TRDN: variants seen among roughly 807,000 people sequenced by gnomAD.
TRDN encodes triadin.
A neutral mutation model predicts 149.7 loss-of-function variants in TRDN; 161 were observed. That is an observed-to-expected ratio of 1.08 (90% confidence interval 0.95 to 1.23). TRDN has a LOEUF of 1.23. TRDN is among the 50% of genes most tolerant of loss of function. The pLI, the probability that TRDN is intolerant of heterozygous loss-of-function variation, is 0.00. For synonymous variants in TRDN, 294 were observed against 250.5 expected, an observed-to-expected ratio of 1.17 and a Z score of -1.64; for missense variants, 896 against 823.5, an observed-to-expected ratio of 1.09 and a Z score of -1.08.
intron 33 of TRDN, among the ~76,000 whole-genome samples, chr6:123,262,851 A>G (rs1342958052): frequency 6.6e-6 from 1 of 152,100 alleles, no homozygotes; most frequent in Non-Finnish European, 1.5e-5. Flanking sequence ...ATAAGGTGGT[A>G]AAACTTAATG....
chr6:123,605,265 A>T (rs1039352765), intron 1 of TRDN, among the ~76,000 whole-genome samples: 8 of 147,154 alleles, frequency 5.4e-5, no homozygotes, highest in Admixed American at 1.4e-4. Context: ...TTTATATATA[A>T]ATATATATTT....
intron 1 of TRDN, among the ~76,000 whole-genome samples, chr6:123,597,074 A>C (rs9490828): frequency 0.012 from 1,770 of 152,190 alleles, 34 homozygotes; most frequent in African/African-American, 0.041. Flanking sequence ...CAAATTTACA[A>C]TCTTCTGGAG....
At chr6:123,510,851 C>T (rs1190621039) in intron 7 of TRDN, among the ~76,000 whole-genome samples, 1 of 152,084 alleles carries the variant, frequency 6.6e-6, no homozygotes, top group Non-Finnish European at 1.5e-5. Context: ...ACCATGTTGT[C>T]CAGGCTGGTT....
chr6:123,629,054 A>G (rs1785825282), intron 1 of TRDN, among the ~76,000 whole-genome samples: 1 of 152,096 alleles, frequency 6.6e-6, no homozygotes, highest in African/African-American at 2.4e-5. Context: ...TCCCCTAGTC[A>G]ATAATATATA....
At chr6:123,227,868 A>G (rs1053190435) in intron 38 of TRDN, among the ~76,000 whole-genome samples, 3 of 151,870 alleles carry the variant, frequency 2.0e-5, no homozygotes, top group Non-Finnish European at 4.4e-5. Context: ...CTACTGTACA[A>G]ATAGAGGAGA....
intron 2 of TRDN, among the ~76,000 whole-genome samples, chr6:123,555,864 T>C (rs1189819133): frequency 1.3e-5 from 2 of 152,106 alleles, no homozygotes; most frequent in African/African-American, 4.8e-5. Context: ...CCAATGAAAA[T>C]TGAATCCAGC....
intron 2 of TRDN, among the ~76,000 whole-genome samples, chr6:123,553,679 G>A (rs1363313977): frequency 6.6e-6 from 1 of 152,140 alleles, no homozygotes; most frequent in Non-Finnish European, 1.5e-5. Context: ...AAGGTGAAAG[G>A]CATGTCTTAC....
At chr6:123,227,022 C>T (rs952074152) in intron 38 of TRDN, among the ~76,000 whole-genome samples, 2 of 151,776 alleles carry the variant, frequency 1.3e-5, no homozygotes, top group East Asian at 1.9e-4. Context: ...GTAGAGGAGA[C>T]GTTCTGGAAA....
intron 10 of TRDN, among the ~76,000 whole-genome samples, chr6:123,441,675 C>A (rs1774897126): frequency 6.6e-6 from 1 of 152,320 alleles, no homozygotes; most frequent in Non-Finnish European, 1.5e-5. Context: ...TCACAATGGG[C>A]TTTTCTCTTG....
At chr6:123,283,839 T>A (rs1777692803) in intron 24 of TRDN, among the ~76,000 whole-genome samples, 2 of 149,188 alleles carry the variant, frequency 1.3e-5, no homozygotes, top group African/African-American at 4.9e-5. Context: ...TTCCAGGAAT[T>A]GGGTGGATAT....
intron 1 of TRDN, among the ~76,000 whole-genome samples, chr6:123,634,636 T>C (rs1786197128): frequency 6.6e-6 from 1 of 151,922 alleles, no homozygotes; most frequent in Non-Finnish European, 1.5e-5. Flanking sequence ...AACTGTGTAG[T>C]AACAAAGTGT....
chr6:123,598,444 A>G (rs1450211069), intron 1 of TRDN, among the ~76,000 whole-genome samples: 1 of 152,104 alleles, frequency 6.6e-6, no homozygotes, highest in African/African-American at 2.4e-5. Context: ...CACTACGTTT[A>G]AGAAACCCTA....
At chr6:123,623,169 T>C (rs1306676600) in intron 1 of TRDN, among the ~76,000 whole-genome samples, 1 of 152,082 alleles carries the variant, frequency 6.6e-6, no homozygotes, top group Non-Finnish European at 1.5e-5. Context: ...CTGAGGTTAT[T>C]GTCTTTTTTT....
intron 38 of TRDN, among the ~76,000 whole-genome samples, chr6:123,225,652 A>G (rs1775329447): frequency 6.6e-6 from 1 of 151,712 alleles, no homozygotes; most frequent in African/African-American, 2.4e-5. Context: ...ATCACATTGT[A>G]TATCAAATAT....
At chr6:123,524,622 G>T (rs565927141) in intron 5 of TRDN, among the ~76,000 whole-genome samples, 1 of 151,926 alleles carries the variant, frequency 6.6e-6, no homozygotes, top group Non-Finnish European at 1.5e-5. Flanking sequence ...AGTAAGAAAA[G>T]CAAAACAAAA....
chr6:123,362,585 T>C (rs1780944787), intron 20 of TRDN, among the ~76,000 whole-genome samples: 1 of 152,114 alleles, frequency 6.6e-6, no homozygotes, highest in Non-Finnish European at 1.5e-5. Context: ...CAAAACCCCA[T>C]CTCTTATTTA....
chr6:123,409,175 T>A (rs747345906), intron 12 of TRDN, among the ~76,000 whole-genome samples: 16 of 152,170 alleles, frequency 1.1e-4, no homozygotes, highest in Non-Finnish European at 1.9e-4. Flanking sequence ...AATAATAATA[T>A]CATATAGTCA....
chr6:123,393,690 A>AAACAT lies in TRDN; in HGVS notation c.1052-14_1052-13insATGTT. 2 of 1,598,550 alleles carry AAACAT rather than the reference A, an allele frequency of 1.3e-6. No homozygotes were observed. The highest frequency in any genetic ancestry group is 1.7e-6 in the Non-Finnish European group (2 of 1,171,038). Reference sequence around the variant, plus strand: ...GCTTTTCCCGGCTCTTGGAATGAAAAAAACATAAATTACCATGAAGTATGA... The same window carrying AAACAT: ...GCTTTTCCCGGCTCTTGGAATGAAAAAACATAAACATAAATTACCATGAAGTATGA... On this transcript the variant is annotated splice_polypyrimidine_tract_variant and intron_variant, in intron 12 of 40. Transcript: ENST00000334268.
chr6:123,278,966 C>A, intron 25 of TRDN, 90 bp downstream of exon 25: 2 of 1,199,282 alleles, frequency 1.7e-6, no homozygotes, highest in Non-Finnish European at 2.3e-6. Context: ...AACATGAAAT[C>A]AAGATAAATA....
Sources: gnomAD v4.1 joint callset for allele counts (sites outside exome capture counted in the v4.1 genomes callset) on GRCh38, gnomAD v4.1.1 for gene constraint, MANE v1.5 for transcripts, NCBI Gene and HGNC (gene_info 2026-07-23, HGNC 2026-07-21) for gene names.